The following MECOM variants were observed in gnomAD, a reference collection of about 807,000 sequenced individuals.
MECOM encodes the protein MDS1 and EVI1 complex locus, also known as histone-lysine N-methyltransferase MECOM.
A neutral mutation model predicts 116.3 loss-of-function variants in MECOM; 13 were observed. The observed-to-expected ratio is 0.11, with a 90% confidence interval of 0.07 to 0.18. MECOM has a LOEUF of 0.18. MECOM is among the 10% of genes least tolerant of loss of function. The probability of loss-of-function intolerance (pLI) is 1.00; values close to 1 mark genes in which losing one functional copy is unlikely to be tolerated. For missense variants in MECOM, 1,299 were observed against 1,509.0 expected, an observed-to-expected ratio of 0.86 and a Z score of 2.31; for synonymous variants, 528 against 535.2, an observed-to-expected ratio of 0.99 and a Z score of 0.19.
intron 2 of MECOM, among the ~76,000 whole-genome samples, chr3:169,221,729 G>GA (rs1367809333): frequency 2.0e-5 from 3 of 151,748 alleles, no homozygotes; most frequent in South Asian, 2.1e-4. Context: ...TGGTAAAATA[G>GA]AAAAAAAATC....
intron 1 of MECOM, among the ~76,000 whole-genome samples, chr3:169,382,547 A>G (rs16853622): frequency 0.035 from 3,927 of 111,492 alleles, 158 homozygotes; most frequent in African/African-American, 0.11. Context: ...GTCTTAGAGC[A>G]AATGAATACA....
At chr3:169,469,687 C>G (rs1172082528) in intron 1 of MECOM, among the ~76,000 whole-genome samples, 4 of 152,114 alleles carry the variant, frequency 2.6e-5, no homozygotes, top group African/African-American at 9.7e-5. Flanking sequence ...CACAGAGATA[C>G]ATGCATTTTT....
intron 2 of MECOM, among the ~76,000 whole-genome samples, chr3:169,270,110 T>C (rs368550761): frequency 6.6e-6 from 1 of 152,104 alleles, no homozygotes; most frequent in Non-Finnish European, 1.5e-5. Context: ...AAAAGGACAA[T>C]GTATAGTAGT....
chr3:169,418,180 C>G (rs190800189), intron 1 of MECOM, among the ~76,000 whole-genome samples: 1 of 150,846 alleles, frequency 6.6e-6, no homozygotes, highest in East Asian at 1.9e-4. Context: ...ACAAATACAC[C>G]CTCTAAAGAC....
chr3:169,116,781 A>G (rs1433398913), intron 7 of MECOM, 42 bp from the exon 8 acceptor site: 2 of 1,530,014 alleles, frequency 1.3e-6, no homozygotes, highest in South Asian at 1.3e-5. Flanking sequence ...CTTTATGTCA[A>G]TTGCTTCTGA....
At chr3:169,129,423 A>T (rs1372514068) in intron 4 of MECOM, among the ~76,000 whole-genome samples, 2 of 136,020 alleles carry the variant, frequency 1.5e-5, no homozygotes, top group African/African-American at 5.5e-5. Context: ...GAATTTTCCC[A>T]GTTTCAGTAT....
chr3:169,353,493 A>G (rs1431208425), intron 2 of MECOM, among the ~76,000 whole-genome samples: 1 of 151,814 alleles, frequency 6.6e-6, no homozygotes, highest in African/African-American at 2.4e-5. Context: ...TCGGTTTTAT[A>G]CAAGTTGCCA....
At position 169,200,147 on chromosome 3, in the gene MECOM, G is replaced by A. The variant is rs145154689; in HGVS notation, c.376-56315C>T. 3.9e-3 allele frequency among the ~76,000 whole-genome samples: 591 copies of A among 152,088 alleles called. 4 individuals carry two copies. The highest frequency in any genetic ancestry group is 0.012 in the African/African-American group (498 of 41,518). ...GCATTAATTATTTTTAACTAATGTC[G>A]TATTTAACCACATGCAAACTTAAAT... On this transcript the variant is annotated intron_variant, in intron 2 of 16. Coordinates refer to ENST00000651503, the MANE Select transcript of MECOM (RefSeq NM_004991.4).
intron 2 of MECOM, among the ~76,000 whole-genome samples, chr3:169,361,047 A>G (rs1022090642): frequency 6.6e-6 from 1 of 151,794 alleles, no homozygotes; most frequent in Non-Finnish European, 1.5e-5. Flanking sequence ...GGGTAGTAAA[A>G]AAGTAAAAGA....
intron 3 of MECOM, 129 bp from the exon 4 acceptor site, chr3:169,131,660 T>C: frequency 4.0e-6 from 3 of 745,050 alleles, no homozygotes; most frequent in Non-Finnish European, 6.1e-6. Context: ...TTTTCTTTTT[T>C]ATCAAAAGAA....
intron 1 of MECOM, among the ~76,000 whole-genome samples, chr3:169,587,371 G>T (rs1329898144): frequency 6.6e-6 from 1 of 151,134 alleles, no homozygotes; most frequent in Non-Finnish European, 1.5e-5. Flanking sequence ...GGCACATATG[G>T]CATGGTTTCT....
At chr3:169,492,193 G>C (rs138562859) in intron 1 of MECOM, among the ~76,000 whole-genome samples, 1 of 152,238 alleles carries the variant, frequency 6.6e-6, no homozygotes, top group Non-Finnish European at 1.5e-5. Context: ...TAGATATGAG[G>C]CTATTTAGAT....
chr3:169,472,405 G>A (rs1358942460), intron 1 of MECOM, among the ~76,000 whole-genome samples: 1 of 144,496 alleles, frequency 6.9e-6, no homozygotes, highest in African/African-American at 2.6e-5. Flanking sequence ...AATAATAGAG[G>A]AGAGGAGAGG....
intron 1 of MECOM, among the ~76,000 whole-genome samples, chr3:169,592,461 T>C (rs1372745360): frequency 6.6e-6 from 1 of 152,076 alleles, no homozygotes. Context: ...CCCAACTGGG[T>C]TGTGTTTATC....
At chr3:169,404,547 G>C (rs1736370822) in intron 1 of MECOM, among the ~76,000 whole-genome samples, 1 of 152,218 alleles carries the variant, frequency 6.6e-6, no homozygotes, top group African/African-American at 2.4e-5. Flanking sequence ...GTATAGTACA[G>C]TGATCCCACA....
intron 2 of MECOM, among the ~76,000 whole-genome samples, chr3:169,332,452 C>T (rs1462194677): frequency 6.6e-6 from 1 of 151,926 alleles, no homozygotes; most frequent in African/African-American, 2.4e-5. Context: ...AGAGTCAGAG[C>T]CAGAATATTT....
At chr3:169,226,624 A>C (rs1331419602) in intron 2 of MECOM, among the ~76,000 whole-genome samples, 1 of 152,204 alleles carries the variant, frequency 6.6e-6, no homozygotes, top group African/African-American at 2.4e-5. Flanking sequence ...ATAACACGGA[A>C]TTAAAACTAG....
intron 2 of MECOM, among the ~76,000 whole-genome samples, chr3:169,287,002 T>C (rs1188624071): frequency 6.6e-6 from 1 of 152,194 alleles, no homozygotes; most frequent in African/African-American, 2.4e-5. Context: ...AAATAATAAA[T>C]CTCACAACAT....
intron 2 of MECOM, among the ~76,000 whole-genome samples, chr3:169,294,505 G>T (rs1438802359): frequency 6.6e-6 from 1 of 152,154 alleles, no homozygotes; most frequent in African/African-American, 2.4e-5. Context: ...CAGTAGCCTG[G>T]TCTCTGCTCA....
Sources: gnomAD v4.1 joint callset for allele counts (sites outside exome capture counted in the v4.1 genomes callset) on GRCh38, gnomAD v4.1.1 for gene constraint, MANE v1.5 for transcripts, NCBI Gene and HGNC (gene_info 2026-07-23, HGNC 2026-07-21) for gene names.